The following ODR4 variants were observed in gnomAD, a reference collection of about 807,000 sequenced individuals.
ODR4 encodes odr-4 GPCR localization factor homolog, also known as protein odr-4 homolog.
ODR4 carries 47 observed loss-of-function variants against 60.2 expected under a neutral mutation model. That is an observed-to-expected ratio of 0.78 (90% CI 0.62 to 1.00). The LOEUF (loss-of-function observed/expected upper bound fraction) is 1.00. Ranked by LOEUF, ODR4 falls within the 50% of genes least tolerant of loss-of-function variation. The pLI, the probability that ODR4 is intolerant of heterozygous loss-of-function variation, is 0.00. For missense variants in ODR4, 488 were observed against 530.8 expected (o/e 0.92, Z 0.79); for synonymous variants, 178 against 175.5 (o/e 1.01, Z -0.11).
At chr1:186,383,857 G>A (rs1418303648) in intron 3 of ODR4, among the ~76,000 whole-genome samples, 1 of 151,976 alleles carries the variant, frequency 6.6e-6, no homozygotes, top group Admixed American at 6.6e-5. Context: ...GGCCAACATG[G>A]TGAAACCCCG....
chr1:186,404,406 AT>A (rs1043651653), intron 11 of ODR4, among the ~76,000 whole-genome samples: 16 of 152,182 alleles, frequency 1.1e-4, no homozygotes, highest in Admixed American at 9.8e-4. Context: ...TTAACGTTTG[AT>A]TTTTTTAGCT....
chr1:186,383,320 C>A (rs142853414), intron 3 of ODR4, among the ~76,000 whole-genome samples, 164 bp downstream of exon 3: 33 of 151,998 alleles, frequency 2.2e-4, no homozygotes, highest in African/African-American at 7.7e-4. Context: ...TGGCATTACA[C>A]GAGGAAGAAA....
At chr1:186,396,479 T>G (rs1218585739) in intron 9 of ODR4, among the ~76,000 whole-genome samples, 1 of 151,922 alleles carries the variant, frequency 6.6e-6, no homozygotes, top group Non-Finnish European at 1.5e-5. Flanking sequence ...GGTGATGGTG[T>G]GTGCCTGTAG....
chr1:186,402,231 T>TTTCTTTCTTTCC (rs1459855696), intron 11 of ODR4, among the ~76,000 whole-genome samples: 88 of 149,566 alleles, frequency 5.9e-4, no homozygotes, highest in African/African-American at 2.1e-3. Context: ...TCTTTCTTTC[T>TTTCTTTCTTTCC]TTCCTTTCTT....
intron 11 of ODR4, among the ~76,000 whole-genome samples, chr1:186,401,969 A>C (rs1401350510): frequency 6.6e-6 from 1 of 152,122 alleles, no homozygotes; most frequent in Non-Finnish European, 1.5e-5. Context: ...TGGTAAAACC[A>C]TCCAGTCTTG....
At chr1:186,415,592 A>G (rs1661533926) in intron 12 of ODR4, among the ~76,000 whole-genome samples, 1 of 152,188 alleles carries the variant, frequency 6.6e-6, no homozygotes, top group Admixed American at 6.5e-5. Context: ...GTCTGACTCC[A>G]GGAGTCCTCC....
chr1:186,392,293 CA>C (rs1257223410), intron 8 of ODR4, among the ~76,000 whole-genome samples: 2 of 152,138 alleles, frequency 1.3e-5, no homozygotes, highest in Non-Finnish European at 2.9e-5. Context: ...GCTATACCCT[CA>C]AAGGAATATA....
chr1:186,396,437 G>A (rs1428751937), intron 9 of ODR4, among the ~76,000 whole-genome samples: 1 of 151,982 alleles, frequency 6.6e-6, no homozygotes, highest in African/African-American at 2.4e-5. Context: ...GTGAAACCCT[G>A]TCTCTACAAA....
chr1:186,391,590 A>C, intron 7 of ODR4, 106 bp from the exon 8 acceptor site: 1 of 745,122 alleles, frequency 1.3e-6, no homozygotes, highest in Admixed American at 2.6e-5. Flanking sequence ...AATGAGATTT[A>C]GGGATTTTAA....
At chr1:186,410,946 C>T (rs1239017056) in intron 12 of ODR4, among the ~76,000 whole-genome samples, 9 of 151,238 alleles carry the variant, frequency 6.0e-5, no homozygotes, top group South Asian at 4.2e-4. Context: ...ACCCGGAAGG[C>T]GGAGGTTGTG....
rs370246660 is a variant in ODR4 at position 186,398,276 on chromosome 1, G to T, written c.781-37G>T. 2.0e-6 allele frequency: 3 copies of T among 1,520,258 alleles called. No individual in the cohort carries two copies. The African/African-American group carries it at 4.2e-5, about 21-fold the overall frequency. The allele number at this position is 1,520,258 out of a possible 1,614,324, so 94.2% of individuals were successfully genotyped here. A position where few individuals can be genotyped will look rare whatever the true frequency, so the allele number is the denominator to read the frequency against. On this transcript the variant is annotated intron_variant, in intron 9 of 13. Transcript: ENST00000287859. Reference sequence around the variant, plus strand: ...TAAATATTTCCTGTAGTTAATCATTGTTGGTTATTAGAACTTAAACAGATT... The same window carrying T: ...TAAATATTTCCTGTAGTTAATCATTTTTGGTTATTAGAACTTAAACAGATT...
At chr1:186,395,721 C>T (rs1219192412) in intron 9 of ODR4, among the ~76,000 whole-genome samples, 1 of 152,136 alleles carries the variant, frequency 6.6e-6, no homozygotes, top group Non-Finnish European at 1.5e-5. Flanking sequence ...TAGTATATCT[C>T]TTGAAATACT....
At chr1:186,427,535 C>T in the ODR4 span, among the ~76,000 whole-genome samples, 1 of 152,326 alleles carries the variant, frequency 6.6e-6, no homozygotes, top group Non-Finnish European at 1.5e-5. Context: ...ATTACTTCTT[C>T]CACTGAAGTC....
intron 1 of ODR4, among the ~76,000 whole-genome samples, chr1:186,377,728 G>C (rs746976012): frequency 1.4e-4 from 22 of 152,132 alleles, no homozygotes; most frequent in Non-Finnish European, 2.8e-4. Context: ...ATGCAAATCT[G>C]ATTCACGTCT....
intron 7 of ODR4, among the ~76,000 whole-genome samples, chr1:186,391,123 GTAT>G (rs751646734): frequency 5.3e-5 from 8 of 152,018 alleles, no homozygotes; most frequent in East Asian, 3.8e-4. Flanking sequence ...TGCTGATTAA[GTAT>G]TATTATGTGC....
intron 12 of ODR4, among the ~76,000 whole-genome samples, chr1:186,409,874 G>A (rs1661306701): frequency 6.6e-6 from 1 of 152,050 alleles, no homozygotes; most frequent in African/African-American, 2.4e-5. Flanking sequence ...TGTCTGTGTA[G>A]ATACTATGTT....
intron 7 of ODR4, 88 bp downstream of exon 7, chr1:186,390,939 C>T (rs1297928217): frequency 1.8e-5 from 23 of 1,297,070 alleles, no homozygotes; most frequent in Non-Finnish European, 2.4e-5. Flanking sequence ...ATTTTACAAT[C>T]CTCAAAAATT....
At chr1:186,396,509 G>A (rs1298756089) in intron 9 of ODR4, among the ~76,000 whole-genome samples, 2 of 152,010 alleles carry the variant, frequency 1.3e-5, no homozygotes, top group South Asian at 2.1e-4. Context: ...CTTGGGAGGC[G>A]AAGGTGGGAG....
chr1:186,402,446 C>T (rs1294662161), intron 11 of ODR4, among the ~76,000 whole-genome samples: 1 of 151,390 alleles, frequency 6.6e-6, no homozygotes, highest in Non-Finnish European at 1.5e-5. Flanking sequence ...GTCACCCAGC[C>T]TGGAATGCAA....
Sources: allele counts gnomAD v4.1 joint callset (sites outside exome capture counted in the v4.1 genomes callset), GRCh38; gene constraint gnomAD v4.1.1; transcripts MANE v1.5; gene names NCBI Gene and HGNC (gene_info 2026-07-23, HGNC 2026-07-21).